Variants in GAPVD1 observed in about 807,000 individuals in gnomAD.
GAPVD1 encodes GTPase activating protein and VPS9 domains 1.
A neutral mutation model predicts 155.5 loss-of-function variants in GAPVD1; 35 were observed. The observed-to-expected ratio is 0.23, with a 90% CI of 0.17 to 0.30. The LOEUF is 0.30. Ranked by LOEUF, GAPVD1 falls within the 10% of genes least tolerant of loss-of-function variation. The pLI is 1.00. For synonymous variants in GAPVD1, 636 were observed against 619.7 expected, an observed-to-expected ratio of 1.03 and a Z score of -0.39; for missense variants, 1,429 against 1,775.7, an observed-to-expected ratio of 0.80 and a Z score of 3.51.
chr9:125,266,749 G>A (rs531809565), intron 1 of GAPVD1, among the ~76,000 whole-genome samples: 1 of 151,722 alleles, frequency 6.6e-6, no homozygotes, highest in African/African-American at 2.4e-5. Flanking sequence ...TCTGCTGTTC[G>A]TTTTGTTTTT....
intron 2 of GAPVD1, among the ~76,000 whole-genome samples, chr9:125,283,036 A>T (rs1459148325): frequency 7.2e-6 from 1 of 138,782 alleles, no homozygotes; most frequent in South Asian, 2.1e-4. Flanking sequence ...ATTTTTATTT[A>T]TTTATTTATT....
rs1043914029 is a variant in GAPVD1 at position 125,353,110 on chromosome 9, G to GA, written c.3570-1531dup. Among the ~76,000 whole-genome samples, 774 of 139,306 alleles carry GA rather than the reference G, an allele frequency of 5.6e-3. 5 individuals are homozygous for GA. Among genetic ancestry groups the GA allele is most frequent in the Middle Eastern group, 0.011 (3 of 266 alleles). 91.4% of individuals were successfully genotyped at this position (139,306 alleles called of 152,430 possible). ...CAACAAGAGTGAAACTCTGTCTCAA[G>GA]AAAAAAAAAAAAATGAATACCTTTA... On this transcript the variant is annotated intron_variant, in intron 23 of 27. Transcript: ENST00000297933.
In GAPVD1 at chr9:125,305,126, A is replaced by G. The variant is rs1841567836; in HGVS notation, c.1093A>G (p.Ser365Gly). The G allele has an allele frequency of 6.2e-7, 1 of 1,613,418 alleles. No individual in the cohort carries two copies. Among genetic ancestry groups the G allele is most frequent in the African/African-American group, 1.3e-5 (1 of 74,914 alleles). ...TGAAGAGGGAGATCCCCGAACAAAG[A>G]GCAGCCTTGGAAAGTTTGACAAAGT... ...GSEEGDPRTKSSLGKFDKSCV... is the reference protein window; with the variant it reads ...GSEEGDPRTKGSLGKFDKSCV... Residue 365 changes from serine (S) to glycine (G), a missense_variant, in exon 6 of 28, where the codon AGC (serine) becomes GGC (glycine). Physicochemically the swap from Ser to Gly is moderately conservative, Grantham distance 56. This residue lies in a region of GAPVD1 where 628 missense variants were observed against 733.4 expected (regional missense o/e 0.86). Coordinates refer to ENST00000297933, the MANE Select transcript of GAPVD1 (RefSeq NM_001282680.3).
chr9:125,321,167 A>G (rs561805614), intron 9 of GAPVD1, among the ~76,000 whole-genome samples: 67 of 152,324 alleles, frequency 4.4e-4, no homozygotes, highest in African/African-American at 1.5e-3. Context: ...TCTGATTTGT[A>G]TAATTCTCAC....
chr9:125,274,674 C>G (rs1007564156), intron 2 of GAPVD1, among the ~76,000 whole-genome samples: 1 of 152,088 alleles, frequency 6.6e-6, no homozygotes, highest in Non-Finnish European at 1.5e-5. Context: ...GTTGGTCAGG[C>G]TGGTCTTGAA....
intron 14 of GAPVD1, 21 bp downstream of exon 14, chr9:125,332,081 G>T (rs188828303): frequency 1.2e-6 from 2 of 1,612,772 alleles, no homozygotes; most frequent in East Asian, 4.5e-5. Flanking sequence ...CTTGTTTTAA[G>T]GAGTAGGGAT....
chr9:125,307,392 G>A (rs950746283), intron 6 of GAPVD1, 21 bp from the exon 7 acceptor site: 2 of 1,538,550 alleles, frequency 1.3e-6, no homozygotes, highest in African/African-American at 1.4e-5. Context: ...ATGTTTCACT[G>A]TTTTTTTCCT....
chr9:125,286,175 G>A (rs943417624), intron 2 of GAPVD1, among the ~76,000 whole-genome samples: 2 of 152,136 alleles, frequency 1.3e-5, no homozygotes, highest in African/African-American at 4.8e-5. Flanking sequence ...GTGCAGTGGC[G>A]CAATTATAGC....
Position 125,330,152 on chromosome 9 carries a change from A to G in GAPVD1, c.2107A>G (p.Thr703Ala). 2 of 1,612,220 alleles carry G rather than the reference A, an allele frequency of 1.2e-6. No individual in the cohort carries two copies. Among genetic ancestry groups the G allele is most frequent in the Non-Finnish European group, 8.5e-7 (1 of 1,178,318 alleles). Reference sequence around the variant, plus strand: ...AGGGTCAGTGCTTCTTGACCCCTGCACTGGTTCTACCATATCAGAGACAAC... The same window carrying G: ...AGGGTCAGTGCTTCTTGACCCCTGCGCTGGTTCTACCATATCAGAGACAAC... ...GSGSVLLDPCTGSTISETTSE... is the reference protein window; with the variant it reads ...GSGSVLLDPCAGSTISETTSE... Residue 703 changes from threonine (T) to alanine (A), a missense_variant, in exon 13 of 28, where the codon ACT becomes GCT. Physicochemically the swap from Thr to Ala is moderately conservative, Grantham distance 58 (BLOSUM62 0). This residue lies in a region of GAPVD1 where 699 missense variants were observed against 826.0 expected (regional missense o/e 0.85). Coordinates refer to ENST00000297933, the MANE Select transcript of GAPVD1 (RefSeq NM_001282680.3).
chr9:125,352,985 G>A (rs1849527688), intron 23 of GAPVD1, among the ~76,000 whole-genome samples: 1 of 152,052 alleles, frequency 6.6e-6, no homozygotes, highest in Admixed American at 6.6e-5. Flanking sequence ...GTGGGTTCCT[G>A]TAATCCTAGC....
chr9:125,303,467 C>T (rs1841256879), intron 5 of GAPVD1, among the ~76,000 whole-genome samples: 1 of 150,246 alleles, frequency 6.7e-6, no homozygotes, highest in African/African-American at 2.4e-5. Context: ...CCCCAACTGC[C>T]CCATATCTAT....
At chr9:125,310,804 C>T (rs1396665516) in intron 8 of GAPVD1, among the ~76,000 whole-genome samples, 1 of 150,150 alleles carries the variant, frequency 6.7e-6, no homozygotes, top group Non-Finnish European at 1.5e-5. Context: ...TCCCAAAGTG[C>T]TGAGATTACA....
intron 5 of GAPVD1, 50 bp from the exon 6 acceptor site, chr9:125,305,013 T>G: frequency 1.3e-5 from 15 of 1,168,194 alleles, no homozygotes; most frequent in East Asian, 2.3e-5. Flanking sequence ...GACGTATTTG[T>G]GAGTATCTGT....
chr9:125,310,784 C>G (rs1370719644), intron 8 of GAPVD1, among the ~76,000 whole-genome samples: 1 of 150,052 alleles, frequency 6.7e-6, no homozygotes, highest in South Asian at 2.1e-4. Context: ...GAGATCCACC[C>G]ACCTCAGCCT....
chr9:125,325,661 G>GA (rs945474309), intron 11 of GAPVD1, among the ~76,000 whole-genome samples: 2 of 151,666 alleles, frequency 1.3e-5, no homozygotes, highest in African/African-American at 2.4e-5. Flanking sequence ...TTTTTAGAAA[G>GA]AAAAAGAGTA....
intron 27 of GAPVD1, among the ~76,000 whole-genome samples, chr9:125,361,266 G>A (rs192655776): frequency 2.6e-5 from 4 of 152,196 alleles, no homozygotes; most frequent in South Asian, 2.1e-4. Flanking sequence ...TAGGTTGGGC[G>A]CGGTGGCTCA....
At chr9:125,294,133 C>T (rs1372671123) in intron 2 of GAPVD1, among the ~76,000 whole-genome samples, 8 of 151,428 alleles carry the variant, frequency 5.3e-5, no homozygotes, top group Non-Finnish European at 1.2e-4. Context: ...ATCTCAATCT[C>T]TTGACCTCGT....
intron 8 of GAPVD1, among the ~76,000 whole-genome samples, chr9:125,310,871 C>T (rs1443560682): frequency 6.8e-6 from 1 of 147,360 alleles, no homozygotes; most frequent in African/African-American, 2.5e-5. Context: ...CGGAGTTTCG[C>T]TTTTATCGCG....
At chr9:125,344,034 G>A (rs1385479009) in intron 19 of GAPVD1, among the ~76,000 whole-genome samples, 2 of 152,150 alleles carry the variant, frequency 1.3e-5, no homozygotes, top group African/African-American at 4.8e-5. Context: ...AAGTAGAGTA[G>A]AATAAGTCTT....
Sources: gnomAD v4.1 joint callset for allele counts (sites outside exome capture counted in the v4.1 genomes callset) on GRCh38, gnomAD v4.1.1 for gene constraint, gnomAD v4.1.1 regional missense constraint, MANE v1.5 for transcripts, NCBI Gene and HGNC (gene_info 2026-07-23, HGNC 2026-07-21) for gene names.